Variants in XRCC4 observed in about 807,000 individuals in gnomAD.
XRCC4 encodes DNA repair protein XRCC4.
XRCC4 carries 28 observed loss-of-function variants against 39.1 expected under a neutral mutation model. The observed-to-expected ratio is 0.72, with a 90% CI of 0.53 to 0.98. The LOEUF (loss-of-function observed/expected upper bound fraction) is 0.98, where lower values mean the gene tolerates loss of function less well. Among genes scored for constraint, XRCC4 ranks in the 50% least tolerant of loss-of-function variants. XRCC4 has a pLI of 0.00. For synonymous variants in XRCC4, 123 were observed against 126.4 expected, an observed-to-expected ratio of 0.97 and a Z score of 0.18; for missense variants, 350 against 376.4, an observed-to-expected ratio of 0.93 and a Z score of 0.58.
At chr5:83,244,711 C>T (rs1393312440) in intron 6 of XRCC4, among the ~76,000 whole-genome samples, 1 of 152,074 alleles carries the variant, frequency 6.6e-6, no homozygotes, top group East Asian at 1.9e-4. Flanking sequence ...GCCTGGGCTC[C>T]ACCTACATCC....
chr5:83,192,066 A>G (rs997082023), intron 3 of XRCC4, among the ~76,000 whole-genome samples: 3 of 152,070 alleles, frequency 2.0e-5, no homozygotes, highest in African/African-American at 7.2e-5. Flanking sequence ...ATGATTTTTA[A>G]TGCGGATTAA....
rs1371343155 is a variant in XRCC4, at chr5:83,134,858, A to AGC, written c.315+23655_315+23656insGC. Among the ~76,000 whole-genome samples the AGC allele has an allele frequency of 3.9e-5, 6 of 152,284 alleles. No homozygotes were observed. In the East Asian group the frequency reaches 1.2e-3, roughly 29 times the overall value. On this transcript the variant is annotated intron_variant, in intron 3 of 7. Coordinates refer to ENST00000396027, the MANE Select transcript of XRCC4 (RefSeq NM_003401.5). ...GACCATGAACCCTCTGGGCAGAAGGAACAACTCTGGACACGCCACCTTGAA... is the reference window on the plus strand; with the variant it reads ...GACCATGAACCCTCTGGGCAGAAGGAGCACAACTCTGGACACGCCACCTTGAA...
the XRCC4 span, among the ~76,000 whole-genome samples, chr5:83,370,813 T>C: frequency 2.0e-5 from 3 of 152,152 alleles, no homozygotes; most frequent in African/African-American, 7.2e-5. Flanking sequence ...AAAATTACCA[T>C]CATGTGTTAC....
intron 3 of XRCC4, among the ~76,000 whole-genome samples, chr5:83,170,909 A>C (rs1749693356): frequency 6.6e-6 from 1 of 152,176 alleles, no homozygotes; most frequent in Non-Finnish European, 1.5e-5. Context: ...TACTAAGATA[A>C]TAGAAGCTTT....
At chr5:83,187,061 A>T (rs1472836261) in intron 3 of XRCC4, among the ~76,000 whole-genome samples, 1 of 81,974 alleles carries the variant, frequency 1.2e-5, no homozygotes, top group Non-Finnish European at 2.5e-5. Context: ...CTCCTGCCTC[A>T]GCCTCCCGAG....
chr5:83,194,016 C>T (rs1006116057), intron 3 of XRCC4, among the ~76,000 whole-genome samples: 15 of 152,156 alleles, frequency 9.9e-5, no homozygotes, highest in African/African-American at 3.6e-4. Context: ...TCACTGCAAC[C>T]TGTGTCTCGC....
chr5:83,280,193 G>T, intron 7 of XRCC4: 1 of 269,258 alleles, frequency 3.7e-6, no homozygotes, highest in Non-Finnish European at 7.7e-6. Flanking sequence ...CCAAAATGAG[G>T]TTTCACCAAG....
the XRCC4 span, among the ~76,000 whole-genome samples, chr5:83,363,488 A>T: frequency 6.6e-6 from 1 of 152,140 alleles, no homozygotes; most frequent in Non-Finnish European, 1.5e-5. Flanking sequence ...AGGCACAACC[A>T]CACGCACTCA....
chr5:83,309,296 A>AAATATATATATATATAT (rs1561467702), intron 7 of XRCC4, among the ~76,000 whole-genome samples: 1 of 72,220 alleles, frequency 1.4e-5, no homozygotes. Context: ...AAAAAAAAAA[A>AAATATATATATATATAT]ATATATATAT....
intron 7 of XRCC4, among the ~76,000 whole-genome samples, chr5:83,304,761 A>G (rs1755419507): frequency 6.6e-6 from 1 of 152,172 alleles, no homozygotes; most frequent in Non-Finnish European, 1.5e-5. Flanking sequence ...TAAGACTGCA[A>G]TCTAATTCTG....
chr5:83,195,646 A>C, intron 3 of XRCC4, 124 bp from the exon 4 acceptor site: 2 of 902,326 alleles, frequency 2.2e-6, no homozygotes, highest in Non-Finnish European at 3.1e-6. Context: ...TATATCTTGT[A>C]AATGCATTGT....
At chr5:83,136,234 ACAT>A (rs1307634766) in intron 3 of XRCC4, among the ~76,000 whole-genome samples, 6 of 152,206 alleles carry the variant, frequency 3.9e-5, no homozygotes, top group Admixed American at 3.9e-4. Flanking sequence ...TGTGTCAAAT[ACAT>A]CATCTTGTCT....
chr5:83,241,966 A>G (rs1448698444), intron 6 of XRCC4, among the ~76,000 whole-genome samples: 3 of 151,344 alleles, frequency 2.0e-5, no homozygotes, highest in African/African-American at 4.9e-5. Flanking sequence ...GAGGAGGAGG[A>G]GGAGGAGGAG....
At chr5:83,144,113 G>C (rs1489158655) in intron 3 of XRCC4, among the ~76,000 whole-genome samples, 1 of 151,898 alleles carries the variant, frequency 6.6e-6, no homozygotes, top group Non-Finnish European at 1.5e-5. Flanking sequence ...ATGTCTTTGT[G>C]TAACTATAGC....
At chr5:83,104,424 A>G (rs1192987693) in intron 1 of XRCC4, among the ~76,000 whole-genome samples, 3 of 152,118 alleles carry the variant, frequency 2.0e-5, no homozygotes, top group Non-Finnish European at 4.4e-5. Context: ...AAAAAAGCCT[A>G]TTGAATCTGG....
chr5:83,372,481 G>A, the XRCC4 span, among the ~76,000 whole-genome samples: 1 of 152,248 alleles, frequency 6.6e-6, no homozygotes, highest in Admixed American at 6.5e-5. Context: ...CCTACTCCGA[G>A]GTTCCCAAGC....
chr5:83,100,878 G>A (rs1336886223), intron 1 of XRCC4, among the ~76,000 whole-genome samples: 2 of 152,040 alleles, frequency 1.3e-5, no homozygotes, highest in Non-Finnish European at 2.9e-5. Context: ...CACATTAAAT[G>A]TATTGACTAA....
At chr5:83,172,971 G>A (rs1279724283) in intron 3 of XRCC4, among the ~76,000 whole-genome samples, 1 of 152,056 alleles carries the variant, frequency 6.6e-6, no homozygotes, top group Non-Finnish European at 1.5e-5. Flanking sequence ...ATTTGCACTT[G>A]TGTTCTAACA....
At chr5:83,344,410 T>G (rs1756857266) in intron 7 of XRCC4, among the ~76,000 whole-genome samples, 1 of 137,466 alleles carries the variant, frequency 7.3e-6, no homozygotes, top group Non-Finnish European at 1.6e-5. Flanking sequence ...CTAATTTATT[T>G]TTCACTTTTT....
Sources: gnomAD v4.1 joint callset for allele counts (sites outside exome capture counted in the v4.1 genomes callset) on GRCh38, gnomAD v4.1.1 for gene constraint, MANE v1.5 for transcripts, NCBI Gene and HGNC (gene_info 2026-07-23, HGNC 2026-07-21) for gene names.